The following IGSF11 variants were observed in gnomAD, a reference collection of about 807,000 sequenced individuals.
The protein encoded by IGSF11 is CXADR like 1.
IGSF11 carries 22 observed loss-of-function variants against 41.0 expected under a neutral mutation model. That is an observed-to-expected ratio of 0.54 (90% CI 0.38 to 0.77). IGSF11 has a LOEUF of 0.77. Ranked by LOEUF, IGSF11 falls within the 30% of genes least tolerant of loss-of-function variation. IGSF11 has a pLI of 0.00. For synonymous variants in IGSF11, 219 were observed against 201.3 expected, an observed-to-expected ratio of 1.09 and a Z score of -0.74; for missense variants, 444 against 530.8, an observed-to-expected ratio of 0.84 and a Z score of 1.61.
At chr3:119,020,427 C>T (rs1461952875) in intron 1 of IGSF11, among the ~76,000 whole-genome samples, 3 of 152,218 alleles carry the variant, frequency 2.0e-5, no homozygotes, top group Non-Finnish European at 4.4e-5. Flanking sequence ...CCAAAGAACA[C>T]ATACTACCAG....
At chr3:118,916,812 C>A (rs1459555449) in intron 4 of IGSF11, among the ~76,000 whole-genome samples, 3 of 151,750 alleles carry the variant, frequency 2.0e-5, no homozygotes, top group Non-Finnish European at 4.4e-5. Flanking sequence ...ACATTTTTTT[C>A]AGCACCACAC....
chr3:118,906,538 G>A (rs1021573718), intron 4 of IGSF11, among the ~76,000 whole-genome samples: 5 of 152,186 alleles, frequency 3.3e-5, no homozygotes, highest in Admixed American at 1.3e-4. Flanking sequence ...CAGCCCAGGG[G>A]AAGCTTGGTC....
chr3:119,061,985 T>C (rs1006484011), intron 1 of IGSF11, among the ~76,000 whole-genome samples: 16 of 152,170 alleles, frequency 1.1e-4, no homozygotes, highest in African/African-American at 3.9e-4. Context: ...ATATTATTAA[T>C]AACATTGGGA....
intron 1 of IGSF11, among the ~76,000 whole-genome samples, chr3:119,133,681 A>G (rs1417532494): frequency 1.3e-5 from 2 of 152,236 alleles, no homozygotes; most frequent in African/African-American, 2.4e-5. Flanking sequence ...AACTATTCCA[A>G]TCAATAGAAA....
intron 4 of IGSF11, among the ~76,000 whole-genome samples, chr3:118,913,228 G>A (rs28673055): frequency 0.029 from 4,383 of 151,630 alleles, 224 homozygotes; most frequent in African/African-American, 0.1. Flanking sequence ...GAGCTAACAG[G>A]AAACAATAAA....
Position 118,930,345 on chromosome 3 carries a change from T to A in IGSF11, c.53-70A>T, listed in dbSNP as rs188600538. ...ACAGTCCAAACTCCTTCAGGAAGGT[T>A]TGCGTGTTTTATGTTATCACATTAT... is the stretch of plus-strand genomic sequence containing the variant. On this transcript the variant is annotated intron_variant, in intron 1 of 6. Coordinates refer to ENST00000393775, the MANE Select transcript of IGSF11 (RefSeq NM_001015887.3). The A allele has an allele frequency of 4.4e-4, 644 of 1,447,320 alleles. 4 individuals are homozygous for A. Among genetic ancestry groups the A allele is most frequent in the African/African-American group, 3.3e-3 (233 of 70,192 alleles). The allele number at this position is 1,447,320 out of a possible 1,614,324, so 89.7% of individuals were successfully genotyped here.
chr3:119,129,504 T>C (rs2077448617), intron 1 of IGSF11, among the ~76,000 whole-genome samples: 1 of 152,076 alleles, frequency 6.6e-6, no homozygotes, highest in African/African-American at 2.4e-5. Flanking sequence ...CTATAAGATA[T>C]AAATAGAAAC....
At chr3:118,931,341 G>A (rs769353773) in intron 1 of IGSF11, among the ~76,000 whole-genome samples, 51 of 152,222 alleles carry the variant, frequency 3.4e-4, no homozygotes, top group Non-Finnish European at 2.8e-4. Context: ...TCCACACAAC[G>A]ACTTGTCCAT....
At position 118,901,102 on chromosome 3, in the gene IGSF11, T is replaced by C. The variant is rs1576304148; in HGVS notation, c.*1418A>G. 2 of 152,526 alleles carry C rather than the reference T, an allele frequency of 1.3e-5. No individual in the cohort carries two copies. Among genetic ancestry groups the C allele is most frequent in the African/African-American group, 2.4e-5 (1 of 41,426 alleles). 9.4% of individuals were successfully genotyped at this position (152,526 alleles called of 1,614,324 possible). A position where few individuals can be genotyped will look rare whatever the true frequency, so the allele number is the denominator to read the frequency against. ...CATGGGATGAGTATCATAAGTAATCTAGGAAACAAATCTGAGAAGAAATTT... is the reference window on the plus strand; with the variant it reads ...CATGGGATGAGTATCATAAGTAATCCAGGAAACAAATCTGAGAAGAAATTT... On this transcript the variant is annotated 3_prime_UTR_variant, in exon 7 of 7. Transcript: ENST00000393775.
chr3:119,129,855 A>T (rs11925319), intron 1 of IGSF11, among the ~76,000 whole-genome samples: 2 of 151,792 alleles, frequency 1.3e-5, no homozygotes, highest in African/African-American at 4.8e-5. Flanking sequence ...TGTGGTGGCA[A>T]ATGCCTGTAG....
At chr3:118,970,943 T>G (rs1933341621) in intron 1 of IGSF11, among the ~76,000 whole-genome samples, 1 of 152,072 alleles carries the variant, frequency 6.6e-6, no homozygotes, top group Admixed American at 6.5e-5. Flanking sequence ...ACAGCAGCAT[T>G]GGCAGCTGAT....
At chr3:118,923,567 T>C (rs1942025929) in intron 4 of IGSF11, among the ~76,000 whole-genome samples, 1 of 152,230 alleles carries the variant, frequency 6.6e-6, no homozygotes, top group South Asian at 2.1e-4. Flanking sequence ...AGATTCTTCA[T>C]TACATCTAGT....
chr3:118,958,312 A>G (rs1171715670), intron 1 of IGSF11, among the ~76,000 whole-genome samples: 1 of 152,244 alleles, frequency 6.6e-6, no homozygotes, highest in Non-Finnish European at 1.5e-5. Context: ...TTGGCAATAA[A>G]CTAGAATCCA....
chr3:118,904,686 A>G lies in IGSF11; in HGVS notation c.816T>C (p.Asn272=), dbSNP rs778576469. 6.2e-7 allele frequency: 1 copy of G among 1,612,042 alleles called. No homozygotes were observed. Among genetic ancestry groups the G allele is most frequent in the East Asian group, 2.2e-5 (1 of 44,854 alleles). The change falls in exon 6 of 7, where the codon AAT becomes AAC. Residue 272 remains asparagine, a synonymous_variant. Coordinates refer to ENST00000393775, the MANE Select transcript of IGSF11 (RefSeq NM_001015887.3). ...LGAFFYWRSK[N]KEEEEEEIPN... ...GAATTTCTTCTTCTTCCTCCTCTTTATTTTTGCTTCTCCAGTAAAAGAATG... is the reference window on the plus strand; with the variant it reads ...GAATTTCTTCTTCTTCCTCCTCTTTGTTTTTGCTTCTCCAGTAAAAGAATG...
intron 1 of IGSF11, among the ~76,000 whole-genome samples, chr3:119,044,887 A>G (rs1425001467): frequency 1.3e-5 from 2 of 152,216 alleles, no homozygotes; most frequent in Non-Finnish European, 2.9e-5. Flanking sequence ...CTTGCACTAC[A>G]AAAAATGCTA....
At chr3:119,071,276 G>C (rs1317893841) in intron 1 of IGSF11, among the ~76,000 whole-genome samples, 1 of 152,172 alleles carries the variant, frequency 6.6e-6, no homozygotes, top group Non-Finnish European at 1.5e-5. Context: ...CATTCTGTGT[G>C]TTGTCTTTTC....
intron 1 of IGSF11, among the ~76,000 whole-genome samples, chr3:118,952,945 G>C (rs1254577474): frequency 2.0e-5 from 3 of 151,942 alleles, no homozygotes; most frequent in Non-Finnish European, 4.4e-5. Context: ...GGTGGTGTTT[G>C]GTTACATGGA....
chr3:119,034,030 C>T (rs1709852093), intron 1 of IGSF11, among the ~76,000 whole-genome samples: 2 of 152,174 alleles, frequency 1.3e-5, no homozygotes, highest in South Asian at 4.1e-4. Context: ...TGTAGTATAG[C>T]ACAGTATACA....
chr3:119,029,047 A>G, intron 1 of IGSF11, among the ~76,000 whole-genome samples: 1 of 144,684 alleles, frequency 6.9e-6, no homozygotes, highest in East Asian at 1.9e-4. Context: ...TAAAATATGA[A>G]AAAAAAAGAA....
Sources: allele counts gnomAD v4.1 joint callset (sites outside exome capture counted in the v4.1 genomes callset), GRCh38; gene constraint gnomAD v4.1.1; transcripts MANE v1.5; gene names NCBI Gene and HGNC (gene_info 2026-07-23, HGNC 2026-07-21).